Variants in ANO10 observed in about 807,000 individuals in gnomAD.
ANO10 encodes the protein anoctamin 10, also known as anoctamin-10.
ANO10 carries 77 observed loss-of-function variants against 74.7 expected under a neutral mutation model. The ratio of observed to expected loss-of-function variants is 1.03; its 90% CI spans 0.86 to 1.25. ANO10 has a LOEUF of 1.25. ANO10 is among the 50% of genes most tolerant of loss of function. The probability of loss-of-function intolerance (pLI) is 0.00; values close to 1 mark genes in which losing one functional copy is unlikely to be tolerated. For synonymous variants in ANO10, 279 were observed against 284.9 expected (o/e 0.98, Z 0.21); for missense variants, 721 against 778.1 (o/e 0.93, Z 0.87).
chr3:43,606,194 G>C (rs564156462), intron 1 of ANO10, among the ~76,000 whole-genome samples: 13 of 152,320 alleles, frequency 8.5e-5, no homozygotes, highest in Non-Finnish European at 1.6e-4. Flanking sequence ...ATCTGAACAG[G>C]ATTCAGAGGA....
At chr3:43,578,687 T>G (rs532690789) in intron 5 of ANO10, among the ~76,000 whole-genome samples, 1 of 138,010 alleles carries the variant, frequency 7.2e-6, no homozygotes, top group African/African-American at 2.7e-5. Context: ...GAAGTGGAGA[T>G]TGCAGTGAAC....
At chr3:43,422,890 C>T (rs971455075) in intron 12 of ANO10, among the ~76,000 whole-genome samples, 1 of 152,102 alleles carries the variant, frequency 6.6e-6, no homozygotes, top group Non-Finnish European at 1.5e-5. Flanking sequence ...CCTCTGTGCA[C>T]TTTAAAGAAA....
At chr3:43,461,468 AC>A (rs2075374284) in intron 11 of ANO10, among the ~76,000 whole-genome samples, 1 of 152,214 alleles carries the variant, frequency 6.6e-6, no homozygotes, top group Non-Finnish European at 1.5e-5. Flanking sequence ...CTGTGTCCCC[AC>A]CCGAATCTCA....
intron 11 of ANO10, among the ~76,000 whole-genome samples, chr3:43,471,321 A>T (rs2075849597): frequency 6.6e-6 from 1 of 152,228 alleles, no homozygotes; most frequent in Non-Finnish European, 1.5e-5. Flanking sequence ...TTGCCATAAA[A>T]TATCTCTTAT....
intron 8 of ANO10, among the ~76,000 whole-genome samples, chr3:43,562,582 G>A (rs1359466249): frequency 1.3e-5 from 2 of 151,804 alleles, no homozygotes; most frequent in African/African-American, 2.4e-5. Context: ...TTGGGAGGCT[G>A]AGGTACAAGA....
At chr3:43,455,520 G>C (rs1257952532) in intron 11 of ANO10, among the ~76,000 whole-genome samples, 2 of 151,980 alleles carry the variant, frequency 1.3e-5, no homozygotes, top group African/African-American at 4.8e-5. Flanking sequence ...TTGAGGAATG[G>C]GGGGAAATGA....
intron 12 of ANO10, among the ~76,000 whole-genome samples, chr3:43,382,224 A>C (rs1163709446): frequency 6.6e-6 from 1 of 152,152 alleles, no homozygotes; most frequent in African/African-American, 2.4e-5. Context: ...GAAGAAAAGA[A>C]ATAACCAAGA....
intron 1 of ANO10, among the ~76,000 whole-genome samples, chr3:43,652,095 A>C (rs2083793752): frequency 6.6e-6 from 1 of 150,530 alleles, no homozygotes; most frequent in Non-Finnish European, 1.5e-5. Flanking sequence ...ATTCAATGCA[A>C]TCTATCAGAA....
chr3:43,669,314 AAT>A (rs1286739990), intron 1 of ANO10, among the ~76,000 whole-genome samples: 1 of 152,158 alleles, frequency 6.6e-6, no homozygotes, highest in Non-Finnish European at 1.5e-5. Context: ...GACATGAGGG[AAT>A]ATGTCACCAA....
At chr3:43,659,014 T>C (rs1362202398) in intron 1 of ANO10, among the ~76,000 whole-genome samples, 1 of 152,156 alleles carries the variant, frequency 6.6e-6, no homozygotes, top group Non-Finnish European at 1.5e-5. Flanking sequence ...TGTATTTTAA[T>C]GGAAAAAAGT....
At position 43,600,496 on chromosome 3, in the gene ANO10, G is replaced by T. The variant is rs371898639; in HGVS notation, c.225C>A (p.Ser75=). 6.2e-7 allele frequency: 1 copy of T among 1,613,766 alleles called. No homozygotes were observed. Among genetic ancestry groups the T allele is most frequent in the African/African-American group, 1.3e-5 (1 of 74,844 alleles). ...CTGCCCCTAGTAACATTCTAATCTT[G>T]GAGGCACCAACAAGATATAAGTTCT... ...ENQNLYLVGA[S]KIRMLLGAEA... Residue 75 remains serine, a synonymous_variant, in exon 3 of 13, where the codon TCC becomes TCA. Transcript: ENST00000292246.
chr3:43,371,136 G>C (rs1405189072), intron 12 of ANO10, among the ~76,000 whole-genome samples: 1 of 152,086 alleles, frequency 6.6e-6, no homozygotes, highest in Non-Finnish European at 1.5e-5. Context: ...AAATCTACTA[G>C]CAACTACTCC....
intron 1 of ANO10, among the ~76,000 whole-genome samples, chr3:43,645,789 T>C (rs914249111): frequency 6.6e-6 from 1 of 152,136 alleles, no homozygotes; most frequent in Non-Finnish European, 1.5e-5. Flanking sequence ...CTGGCAAAGT[T>C]ATTTAAGTAT....
intron 12 of ANO10, among the ~76,000 whole-genome samples, chr3:43,367,396 C>T: frequency 6.6e-6 from 1 of 152,166 alleles, no homozygotes. Context: ...GCAGTGAGAG[C>T]AATAGTGCCT....
At chr3:43,484,809 G>C (rs1279595950) in intron 11 of ANO10, among the ~76,000 whole-genome samples, 1 of 152,154 alleles carries the variant, frequency 6.6e-6, no homozygotes, top group Non-Finnish European at 1.5e-5. Flanking sequence ...TCAGTTGGTG[G>C]GGGGACTTAG....
chr3:43,454,375 G>T (rs2075031331), intron 11 of ANO10, among the ~76,000 whole-genome samples: 1 of 152,196 alleles, frequency 6.6e-6, no homozygotes, highest in Admixed American at 6.5e-5. Context: ...GGATGGAGAA[G>T]TGATGTGTAA....
chr3:43,629,830 C>A (rs2083528780), intron 1 of ANO10, among the ~76,000 whole-genome samples: 1 of 152,136 alleles, frequency 6.6e-6, no homozygotes, highest in Non-Finnish European at 1.5e-5. Context: ...AAATCTGAGT[C>A]AGTAAATAGG....
At position 43,664,640 on chromosome 3, in the gene ANO10, C is replaced by T. The variant is rs188129377; in HGVS notation, c.-12+26877G>A. ...TTTTTGCAATCTATCCATCTGACAA[C>T]GGGCTAATATCCAGAATCTACAAAG... On this transcript the variant is annotated intron_variant, in intron 1 of 3. Transcript: ENST00000413397. Among the ~76,000 whole-genome samples, 34 of 152,134 alleles carry T rather than the reference C, an allele frequency of 2.2e-4. No homozygotes were observed. In the East Asian group the frequency reaches 4.2e-3, roughly 19 times the overall value.
intron 11 of ANO10, among the ~76,000 whole-genome samples, chr3:43,538,082 C>T (rs1384829593): frequency 1.3e-5 from 2 of 152,094 alleles, no homozygotes; most frequent in Admixed American, 6.5e-5. Context: ...ACCCAAAATA[C>T]ATAAATGTCT....
Sources: gnomAD v4.1 joint callset for allele counts (sites outside exome capture counted in the v4.1 genomes callset) on GRCh38, gnomAD v4.1.1 for gene constraint, MANE v1.5 for transcripts, NCBI Gene and HGNC (gene_info 2026-07-23, HGNC 2026-07-21) for gene names.